Variants in NBAS observed in about 807,000 individuals in gnomAD.
NBAS encodes the protein NBAS subunit of NRZ tethering complex, also known as NAG/BC035112 fusion.
In NBAS, 219 loss-of-function variants were observed where a neutral mutation model predicts 302.5. The observed-to-expected ratio is 0.72, with a 90% CI of 0.65 to 0.81. NBAS has a LOEUF of 0.81. Ranked by LOEUF, NBAS falls within the 30% of genes least tolerant of loss-of-function variation. The pLI, the probability that NBAS is intolerant of heterozygous loss-of-function variation, is 0.00. For missense variants in NBAS, 2,932 were observed against 2,841.6 expected, an observed-to-expected ratio of 1.03 and a Z score of -0.72; for synonymous variants, 1,118 against 1,021.6, an observed-to-expected ratio of 1.09 and a Z score of -1.80.
At chr2:15,180,897 T>C (rs1664787987) in intron 50 of NBAS, among the ~76,000 whole-genome samples, 1 of 152,240 alleles carries the variant, frequency 6.6e-6, no homozygotes, top group Non-Finnish European at 1.5e-5. Flanking sequence ...AACCGTCTAC[T>C]TGCTCTTTAA....
At chr2:15,465,950 C>T (rs1679702905) in intron 19 of NBAS, among the ~76,000 whole-genome samples, 1 of 151,990 alleles carries the variant, frequency 6.6e-6, no homozygotes, top group Non-Finnish European at 1.5e-5. Context: ...AATATATTAC[C>T]TCAAAACATC....
the NBAS span, among the ~76,000 whole-genome samples, chr2:14,920,928 C>A: frequency 6.6e-6 from 1 of 151,332 alleles, no homozygotes; most frequent in South Asian, 2.1e-4. Context: ...ATCATTCATG[C>A]ATTCACTGGA....
intron 47 of NBAS, among the ~76,000 whole-genome samples, chr2:15,227,218 C>A (rs1667184288): frequency 6.6e-6 from 1 of 151,914 alleles, no homozygotes; most frequent in Non-Finnish European, 1.5e-5. Context: ...ATGCCAATAG[C>A]AAACAATCTG....
intron 31 of NBAS, among the ~76,000 whole-genome samples, chr2:15,371,840 AAATG>A (rs1402406201): frequency 6.6e-6 from 1 of 152,224 alleles, no homozygotes; most frequent in Non-Finnish European, 1.5e-5. Context: ...GAAGAAAAGA[AAATG>A]AATGAAGAGA....
chr2:15,091,336 C>T, the NBAS span, among the ~76,000 whole-genome samples: 280 of 147,990 alleles, frequency 1.9e-3, 1 homozygote, highest in African/African-American at 6.0e-3. Context: ...TTTTCTTCCG[C>T]CTCTGCCACT....
intron 48 of NBAS, among the ~76,000 whole-genome samples, chr2:15,194,030 C>T (rs1558426172): frequency 6.6e-6 from 1 of 151,970 alleles, no homozygotes; most frequent in African/African-American, 2.4e-5. Context: ...AAGAAGCCCA[C>T]CCAGACCTAG....
chr2:15,169,351 C>T (rs1664185731), intron 51 of NBAS, among the ~76,000 whole-genome samples: 1 of 152,206 alleles, frequency 6.6e-6, no homozygotes, highest in South Asian at 2.1e-4. Flanking sequence ...CTGGAAGGGG[C>T]ACGGAGCTTT....
chr2:14,870,821 T>A, the NBAS span, among the ~76,000 whole-genome samples: 3 of 152,024 alleles, frequency 2.0e-5, no homozygotes, highest in Non-Finnish European at 4.4e-5. Context: ...ATTACACAGA[T>A]AACAGAAGTT....
At chr2:15,336,714 A>G (rs1228478738) in intron 35 of NBAS, among the ~76,000 whole-genome samples, 9 of 152,196 alleles carry the variant, frequency 5.9e-5, no homozygotes, top group African/African-American at 1.9e-4. Context: ...TGGGCGACAG[A>G]ACAAGACTCC....
At chr2:14,966,678 C>T in the NBAS span, among the ~76,000 whole-genome samples, 1 of 152,108 alleles carries the variant, frequency 6.6e-6, no homozygotes, top group Non-Finnish European at 1.5e-5. Flanking sequence ...TCTTCAGCCC[C>T]ACCTTCAAAA....
chr2:15,107,839 C>G, the NBAS span, among the ~76,000 whole-genome samples: 2 of 152,124 alleles, frequency 1.3e-5, no homozygotes, highest in Admixed American at 1.3e-4. Flanking sequence ...CCTTCCCAAT[C>G]AACCCCATCC....
the NBAS span, among the ~76,000 whole-genome samples, chr2:14,949,603 A>G: frequency 6.6e-6 from 1 of 152,184 alleles, no homozygotes; most frequent in African/African-American, 2.4e-5. Context: ...TATGGAATCA[A>G]CCTAAGTGTC....
At chr2:15,414,621 G>A (rs1046062012) in intron 25 of NBAS, among the ~76,000 whole-genome samples, 4 of 152,162 alleles carry the variant, frequency 2.6e-5, no homozygotes, top group African/African-American at 7.2e-5. Context: ...TATAGTAATT[G>A]TAAGCAAATA....
chr2:15,084,040 C>CT, the NBAS span, among the ~76,000 whole-genome samples: 5,517 of 146,118 alleles, frequency 0.038, 340 homozygotes, highest in African/African-American at 0.13. Flanking sequence ...TGAACAATTG[C>CT]TTTTTTTTTT....
At chr2:14,906,121 T>C in the NBAS span, among the ~76,000 whole-genome samples, 1 of 152,090 alleles carries the variant, frequency 6.6e-6, no homozygotes, top group Admixed American at 6.6e-5. Flanking sequence ...GCAGTAGTAG[T>C]AGTATTAGTA....
intron 35 of NBAS, among the ~76,000 whole-genome samples, chr2:15,347,776 A>G (rs1673163788): frequency 6.6e-6 from 1 of 152,236 alleles, no homozygotes; most frequent in African/African-American, 2.4e-5. Context: ...AAAAAGCATA[A>G]TGACCAACAT....
the NBAS span, among the ~76,000 whole-genome samples, chr2:14,785,238 C>A: frequency 2.0e-5 from 3 of 152,160 alleles, no homozygotes; most frequent in Non-Finnish European, 4.4e-5. Context: ...ATGGGTTTTT[C>A]TAGATATACG....
rs548201232 is a variant in NBAS at position 15,521,208 on chromosome 2, C to T, written c.747-9858G>A. 1.0e-3 allele frequency among the ~76,000 whole-genome samples: 156 copies of T among 152,256 alleles called. 1 individual carries two copies. Among genetic ancestry groups the T allele is most frequent in the African/African-American group, 3.5e-3 (147 of 41,552 alleles). ...TTAACTGACTGCAATCTTAACAGTA[C>T]CTTCTTCGACCCAGCTGGCACAGAT... On this transcript the variant is annotated intron_variant, in intron 9 of 51. Transcript: ENST00000281513.
the NBAS span, among the ~76,000 whole-genome samples, chr2:15,095,083 G>GGT: frequency 6.6e-6 from 1 of 152,072 alleles, no homozygotes; most frequent in African/African-American, 2.4e-5. Context: ...GAGACAGCCT[G>GGT]GTGTGTGTCT....
Sources: gnomAD v4.1 joint callset for allele counts (sites outside exome capture counted in the v4.1 genomes callset) on GRCh38, gnomAD v4.1.1 for gene constraint, MANE v1.5 for transcripts, NCBI Gene and HGNC (gene_info 2026-07-23, HGNC 2026-07-21) for gene names.